Variants in ZNF276 observed in about 807,000 individuals in gnomAD.
ZNF276 encodes the protein centromere protein Z.
ZNF276 carries 59 observed loss-of-function variants against 63.9 expected under a neutral mutation model. The observed-to-expected ratio is 0.92, with a 90% CI of 0.75 to 1.15. The LOEUF is 1.15. Ranked by LOEUF, ZNF276 falls within the 50% of genes most tolerant of loss-of-function variation. The pLI, the probability that ZNF276 is intolerant of heterozygous loss-of-function variation, is 0.00. For missense variants in ZNF276, 1,084 were observed against 843.8 expected (o/e 1.28, Z -3.53); for synonymous variants, 496 against 348.4 (o/e 1.42, Z -4.72).
intron 9 of ZNF276, among the ~76,000 whole-genome samples, chr16:89,737,168 G>C (rs1217711051): frequency 6.6e-6 from 1 of 152,170 alleles, no homozygotes; most frequent in Admixed American, 6.5e-5. Context: ...ATGAATTCTA[G>C]AGAACAGCCA....
Position 89,735,901 on chromosome 16 carries a change from TTG to T in ZNF276, c.1474+1865_1474+1866del, listed in dbSNP as rs1233330625. ...GGGGTGTTTTTTTTTGTTTGTTTGT[TTG>T]TTTTTTTGACTGAGTCTTGCTCTTG... is the stretch of plus-strand genomic sequence containing the variant. On this transcript the variant is annotated intron_variant, in intron 9 of 10. Transcript: ENST00000443381. Among the ~76,000 whole-genome samples, 463 of 55,344 alleles carry T rather than the reference TTG, an allele frequency of 8.4e-3. 4 individuals carry two copies. In the East Asian group the frequency reaches 0.095, roughly 11 times the overall value. 36.3% of individuals were successfully genotyped at this position (55,344 alleles called of 152,430 possible).
At chr16:89,721,292 G>T (rs1567559162), upstream of ZNF276, 1 of 248,608 alleles carries the variant, frequency 4.0e-6, no homozygotes, top group Non-Finnish European at 7.6e-6. Context: ...AGGCGGTGAG[G>T]GCCGCGTCGC....
Position 89,738,307 on chromosome 16 carries a change from C to A in ZNF276, c.*61C>A. 6.5e-7 allele frequency: 1 copy of A among 1,529,794 alleles called. No individual in the cohort carries two copies. Among genetic ancestry groups the A allele is most frequent in the Admixed American group, 2.0e-5 (1 of 50,408 alleles). 94.8% of individuals were successfully genotyped at this position (1,529,794 alleles called of 1,614,324 possible). On this transcript the variant is annotated 3_prime_UTR_variant, in exon 11 of 11. Coordinates refer to ENST00000443381, the MANE Select transcript of ZNF276 (RefSeq NM_001113525.2). ...GACTCCGCAGTGGCTGTGTCAGCCT[C>A]ACCCTTCGTGTGCACCCGCATGGGA... is the stretch of plus-strand genomic sequence containing the variant.
chr16:89,727,213 C>T (rs1383662570), intron 4 of ZNF276, 66 bp from the exon 5 acceptor site: 4 of 1,502,102 alleles, frequency 2.7e-6, no homozygotes, highest in Admixed American at 1.7e-5. Context: ...AGAATCATGC[C>T]TCCTTGCAGG....
At chr16:89,720,445 G>A (rs2061225391), upstream of ZNF276, 1 of 1,063,148 alleles carries the variant, frequency 9.4e-7, no homozygotes, top group Non-Finnish European at 1.1e-6. Context: ...GCACGGACCT[G>A]CCCGTCACTC....
chr16:89,737,512 C>A, intron 9 of ZNF276: 1 of 411,354 alleles, frequency 2.4e-6, no homozygotes, highest in South Asian at 2.9e-5. Context: ...CAGAGCGAAA[C>A]TCCATCTCAA....
rs2061337010 is a variant in ZNF276 at position 89,722,746 on chromosome 16, G to T, written c.421G>T (p.Ala141Ser). 4 of 1,611,592 alleles carry T rather than the reference G, an allele frequency of 2.5e-6. No homozygotes were observed. Among genetic ancestry groups the T allele is most frequent in the Non-Finnish European group, 3.4e-6 (4 of 1,180,024 alleles). Reference sequence around the variant, plus strand: ...TCCGTTTGTCTGCAAGAGCTGCCACGCCCAGTTCTACCAGTGCCACAGCCT... The same window carrying T: ...TCCGTTTGTCTGCAAGAGCTGCCACTCCCAGTTCTACCAGTGCCACAGCCT... ...LSPFVCKSCH[A>S]QFYQCHSLLK... is the part of the protein sequence containing the mutation. The change falls in exon 2 of 11, where the codon GCC becomes TCC. Residue 141 changes from alanine to serine, a missense_variant. Transcript: ENST00000443381.
intron 1 of ZNF276, among the ~76,000 whole-genome samples, chr16:89,722,162 C>T (rs890512529): frequency 1.3e-5 from 2 of 152,160 alleles, no homozygotes; most frequent in African/African-American, 4.8e-5. Context: ...TTCGTGCCCT[C>T]GCGGAGCCGG....
At chr16:89,737,753 C>T (rs2061988507) in intron 9 of ZNF276, 53 bp from the exon 10 acceptor site, 2 of 1,610,552 alleles carry the variant, frequency 1.2e-6, no homozygotes, top group Non-Finnish European at 8.5e-7. Flanking sequence ...TCGTCGTCCC[C>T]CCGGGAGGTT....
intron 2 of ZNF276, 101 bp downstream of exon 2, chr16:89,722,935 G>T: frequency 2.6e-6 from 4 of 1,555,062 alleles, no homozygotes; most frequent in South Asian, 2.4e-5. Flanking sequence ...GCCTCTGGGT[G>T]GGGGGAATGG....
rs547098051 is a variant in ZNF276, at chr16:89,724,783, C to G, written c.1006+1074C>G. 3.3e-5 allele frequency among the ~76,000 whole-genome samples: 5 copies of G among 152,316 alleles called. 1 individual carries two copies. In the South Asian group the frequency reaches 8.3e-4, roughly 25 times the overall value. ...CTGCTTGGCTCTGTAAACTTGTATG[C>G]AGTGTGTTGAGAACAATTCTATCTA... On this transcript the variant is annotated intron_variant, in intron 4 of 10. Transcript: ENST00000443381.
At position 89,723,158 on chromosome 16, in the gene ZNF276, A is replaced by G. The variant is rs902838708; in HGVS notation, c.531A>G (p.Thr177=). 6.2e-6 allele frequency: 10 copies of G among 1,613,138 alleles called. No homozygotes were observed. The highest frequency in any genetic ancestry group is 8.5e-6 in the Non-Finnish European group (10 of 1,180,000). The change falls in exon 3 of 11, where the codon ACA becomes ACG. Residue 177 remains threonine, a synonymous_variant. Transcript: ENST00000443381. ...GCAGGGTCGGTGCCCAGCCCCCAAC[A>G]GGGGCAGAGGAGGGAGCGTGTCTGG... ...PCAKVGAQPP[T]GAEEGACLVD...
At chr16:89,733,731 C>T (rs969098734) in intron 8 of ZNF276, among the ~76,000 whole-genome samples, 174 bp downstream of exon 8, 14 of 151,998 alleles carry the variant, frequency 9.2e-5, no homozygotes, top group Non-Finnish European at 2.1e-4. Context: ...GATGTGAGGC[C>T]AGACTTTCAC....
In ZNF276 at chr16:89,738,705, G is replaced by A. The variant is rs753660236; in HGVS notation, c.*459G>A. 3.5e-5 allele frequency: 57 copies of A among 1,613,760 alleles called. No individual in the cohort carries two copies. Among genetic ancestry groups the A allele is most frequent in the Middle Eastern group, 1.6e-4 (1 of 6,080 alleles). ...GGGTCGCAGTCCCCACGATCAGCCA[G>A]CAGCTGTGAGAGAGGAGCAGGTCCT... On this transcript the variant is annotated 3_prime_UTR_variant, in exon 11 of 11. Coordinates refer to ENST00000443381, the MANE Select transcript of ZNF276 (RefSeq NM_001113525.2).
chr16:89,720,569 C>T (rs910901939), upstream of ZNF276: 9 of 1,193,638 alleles, frequency 7.5e-6, no homozygotes, highest in Non-Finnish European at 8.3e-6. Context: ...TCCGCAGGAT[C>T]TGAGCTGTCC....
In ZNF276 at chr16:89,739,827, T is replaced by C; in HGVS notation, c.*1581T>C. ...TGGGGTTGACCAGTGAGCCAGTAAA[T>C]TATCTTATTGCTTTAAACAAGTTTG... On this transcript the variant is annotated 3_prime_UTR_variant, in exon 11 of 11. Transcript: ENST00000443381. 2 of 1,476,528 alleles carry C rather than the reference T, an allele frequency of 1.4e-6. No individual in the cohort carries two copies. The highest frequency in any genetic ancestry group is 1.8e-6 in the Non-Finnish European group (2 of 1,116,744). 91.5% of individuals were successfully genotyped at this position (1,476,528 alleles called of 1,614,324 possible).
intron 5 of ZNF276, among the ~76,000 whole-genome samples, chr16:89,728,266 C>T (rs937360082): frequency 6.6e-6 from 1 of 151,148 alleles, no homozygotes; most frequent in African/African-American, 2.4e-5. Context: ...ACTCTGTTGC[C>T]CAGGCTGGAG....
chr16:89,736,020 T>C (rs2061865991), intron 9 of ZNF276, among the ~76,000 whole-genome samples: 1 of 151,830 alleles, frequency 6.6e-6, no homozygotes. Flanking sequence ...GCCTCCCAAA[T>C]AGCTGGGACT....
chr16:89,722,570 G>C lies in ZNF276; in HGVS notation c.245G>C (p.Cys82Ser). 1 of 1,612,312 alleles carries C rather than the reference G, an allele frequency of 6.2e-7. No homozygotes were observed. The highest frequency in any genetic ancestry group is 8.5e-7 in the Non-Finnish European group (1 of 1,179,976). Residue 82 changes from cysteine to serine, a missense_variant, in exon 2 of 11, where the codon TGC becomes TCC. Physicochemically the swap from Cys to Ser is moderately radical, Grantham distance 112. Transcript: ENST00000443381. The part of the protein sequence containing the change: ...RALAMGHCRL[C>S]HGKFSSRSLR... ...CTCGCCATGGGTCACTGTCGCCTCT[G>C]CCACGGGAAGTTTTCCTCGAGAAGC...
Sources: gnomAD v4.1 joint callset for allele counts (sites outside exome capture counted in the v4.1 genomes callset) on GRCh38, gnomAD v4.1.1 for gene constraint, MANE v1.5 for transcripts, NCBI Gene and HGNC (gene_info 2026-07-23, HGNC 2026-07-21) for gene names.